The following MEGF9 variants were observed in gnomAD, a reference collection of about 807,000 sequenced individuals.
MEGF9 encodes multiple EGF like domains 9.
A neutral mutation model predicts 46.8 loss-of-function variants in MEGF9; 6 were observed. The ratio of observed to expected loss-of-function variants is 0.13; its 90% CI spans 0.07 to 0.25. MEGF9 has a LOEUF of 0.25. Among genes scored for constraint, MEGF9 ranks in the 10% least tolerant of loss-of-function variants. The pLI is 1.00. For synonymous variants in MEGF9, 302 were observed against 330.7 expected, an observed-to-expected ratio of 0.91 and a Z score of 0.94; for missense variants, 683 against 792.4, an observed-to-expected ratio of 0.86 and a Z score of 1.66.
At chr9:120,656,275 C>T (rs576464371) in intron 2 of MEGF9, among the ~76,000 whole-genome samples, 23 of 152,202 alleles carry the variant, frequency 1.5e-4, no homozygotes, top group African/African-American at 5.5e-4. Context: ...TGGCTGGGCA[C>T]GGTGGCTCAC....
At chr9:120,686,607 A>T (rs1201576155) in intron 1 of MEGF9, among the ~76,000 whole-genome samples, 1 of 152,210 alleles carries the variant, frequency 6.6e-6, no homozygotes, top group East Asian at 1.9e-4. Context: ...AAGCTAGTGA[A>T]TCTTAAAGTG....
rs2043692770 is a variant in MEGF9, at chr9:120,659,565, A to G, written c.612T>C (p.Cys204=). 1.2e-6 allele frequency: 2 copies of G among 1,610,922 alleles called. No homozygotes were observed. The highest frequency in any genetic ancestry group is 4.5e-5 in the East Asian group (2 of 44,770). The stretch of plus-strand genomic sequence containing the variant: ...TCAGGCTTCCAACCACAGAGCAGTT[A>G]CATACATACTCTGCAAAGGAAAGAA... ...APSSPPPEYV[C]NCSVVGSLNV... is the part of the protein sequence containing the mutation. Residue 204 remains cysteine, a synonymous_variant, in exon 2 of 6, where the codon TGT becomes TGC. Transcript: ENST00000373930.
chr9:120,640,637 G>A (rs2043597921), intron 2 of MEGF9, among the ~76,000 whole-genome samples: 1 of 151,942 alleles, frequency 6.6e-6, no homozygotes, highest in South Asian at 2.1e-4. Flanking sequence ...TGACTTCTAA[G>A]CGCAATATTT....
At chr9:120,687,683 TGTGTG>T (rs2043829429) in intron 1 of MEGF9, among the ~76,000 whole-genome samples, 3 of 150,178 alleles carry the variant, frequency 2.0e-5, no homozygotes, top group Admixed American at 6.6e-5. Flanking sequence ...TGTGTGTGTG[TGTGTG>T]TGTGTGTGTG....
Position 120,638,818 on chromosome 9 carries a change from T to A in MEGF9, c.804-16063A>T, listed in dbSNP as rs145756036. Reference sequence around the variant, plus strand: ...CTTTTATGAGGAATCTGCCCAAGTATTTTTTGTTTGTTTTTAGAGATGGGG... The same window carrying A: ...CTTTTATGAGGAATCTGCCCAAGTAATTTTTGTTTGTTTTTAGAGATGGGG... On this transcript the variant is annotated intron_variant, in intron 2 of 5. Coordinates refer to ENST00000373930, the MANE Select transcript of MEGF9 (RefSeq NM_001080497.3). Among the ~76,000 whole-genome samples the A allele has an allele frequency of 4.1e-4, 62 of 152,302 alleles. 1 individual carries two copies. Among genetic ancestry groups the A allele is most frequent in the African/African-American group, 1.3e-3 (53 of 41,562 alleles).
At chr9:120,606,851 T>C (rs2043422300) in intron 5 of MEGF9, among the ~76,000 whole-genome samples, 2 of 152,158 alleles carry the variant, frequency 1.3e-5, no homozygotes, top group Non-Finnish European at 2.9e-5. Flanking sequence ...CAATTTATTC[T>C]AAAAAGAGGC....
At chr9:120,606,610 A>C (rs2043421323) in intron 5 of MEGF9, among the ~76,000 whole-genome samples, 1 of 152,216 alleles carries the variant, frequency 6.6e-6, no homozygotes, top group Admixed American at 6.5e-5. Flanking sequence ...AAGGCTTTGG[A>C]ATCAAATAGA....
chr9:120,657,357 T>C (rs2043681782), intron 2 of MEGF9, among the ~76,000 whole-genome samples: 1 of 152,232 alleles, frequency 6.6e-6, no homozygotes, highest in Admixed American at 6.5e-5. Flanking sequence ...AGAGAAAAGA[T>C]AAATCAGGAA....
intron 2 of MEGF9, among the ~76,000 whole-genome samples, chr9:120,654,511 T>C (rs2043667699): frequency 1.3e-5 from 2 of 152,228 alleles, no homozygotes; most frequent in Non-Finnish European, 2.9e-5. Flanking sequence ...ATGGTGATGT[T>C]GGTGTAAACA....
intron 2 of MEGF9, among the ~76,000 whole-genome samples, chr9:120,654,673 T>G (rs1411866740): frequency 6.6e-6 from 1 of 152,186 alleles, no homozygotes; most frequent in Non-Finnish European, 1.5e-5. Flanking sequence ...CTACGATTTT[T>G]AAAAAGTTAA....
At chr9:120,675,008 A>G (rs972561617) in intron 1 of MEGF9, among the ~76,000 whole-genome samples, 1 of 151,906 alleles carries the variant, frequency 6.6e-6, no homozygotes, top group Non-Finnish European at 1.5e-5. Context: ...CTTCCCGAGT[A>G]GCTGGGACCA....
At position 120,649,996 on chromosome 9, in the gene MEGF9, G is replaced by A. The variant is rs117466831; in HGVS notation, c.803+9378C>T. ...AAAGTCTCAAATCAGGCCAGGCACGGTGGCTCACACCTGTAATTCCAGCAC... is the reference window on the plus strand; with the variant it reads ...AAAGTCTCAAATCAGGCCAGGCACGATGGCTCACACCTGTAATTCCAGCAC... On this transcript the variant is annotated intron_variant, in intron 2 of 5. Coordinates refer to ENST00000373930, the MANE Select transcript of MEGF9 (RefSeq NM_001080497.3). 4.4e-3 allele frequency among the ~76,000 whole-genome samples: 668 copies of A among 152,316 alleles called. 3 individuals are homozygous for A. Among genetic ancestry groups the A allele is most frequent in the Non-Finnish European group, 6.2e-3 (424 of 68,022 alleles).
intron 2 of MEGF9, among the ~76,000 whole-genome samples, chr9:120,652,258 G>A (rs1359755844): frequency 6.8e-6 from 1 of 146,184 alleles, no homozygotes; most frequent in Admixed American, 7.0e-5. Context: ...GGCCAAGGCA[G>A]ATGGATCACT....
At chr9:120,659,964 T>C (rs1242942908) in intron 1 of MEGF9, among the ~76,000 whole-genome samples, 1 of 151,024 alleles carries the variant, frequency 6.6e-6, no homozygotes, top group African/African-American at 2.4e-5. Flanking sequence ...ATGATTAACT[T>C]TGGCAACCGA....
At chr9:120,690,032 C>T in intron 1 of MEGF9, 1 of 508,988 alleles carries the variant, frequency 2.0e-6, no homozygotes, top group Non-Finnish European at 4.1e-6. Context: ...GGTAATGTGG[C>T]AAATGGGTCT....
chr9:120,706,683 A>T (rs984945545), intron 1 of MEGF9, among the ~76,000 whole-genome samples: 3 of 152,076 alleles, frequency 2.0e-5, no homozygotes, highest in Non-Finnish European at 4.4e-5. Context: ...AAAAATACAA[A>T]AACTAGCTAG....
At chr9:120,619,207 C>T (rs1279300015) in intron 3 of MEGF9, among the ~76,000 whole-genome samples, 2 of 148,892 alleles carry the variant, frequency 1.3e-5, no homozygotes, top group African/African-American at 2.5e-5. Context: ...ATTAGCCGGG[C>T]GTGGTGGTGG....
intron 2 of MEGF9, among the ~76,000 whole-genome samples, chr9:120,641,860 G>A (rs375223193): frequency 5.9e-5 from 9 of 152,260 alleles, no homozygotes; most frequent in African/African-American, 2.2e-4. Context: ...GGGTACTTAA[G>A]GCAATCAACC....
At chr9:120,616,799 T>C (rs1194929467) in intron 3 of MEGF9, among the ~76,000 whole-genome samples, 1 of 152,154 alleles carries the variant, frequency 6.6e-6, no homozygotes, top group Non-Finnish European at 1.5e-5. Context: ...TTTTCACTTT[T>C]CTAATCTGTA....
Sources: allele counts gnomAD v4.1 joint callset (sites outside exome capture counted in the v4.1 genomes callset), GRCh38; gene constraint gnomAD v4.1.1; transcripts MANE v1.5; gene names NCBI Gene and HGNC (gene_info 2026-07-23, HGNC 2026-07-21).